PASD1: variants seen among roughly 807,000 people sequenced by gnomAD.
The protein encoded by PASD1 is circadian clock protein PASD1.
A neutral mutation model predicts 58.8 loss-of-function variants in PASD1; 13 were observed. That is an observed-to-expected ratio of 0.22 (90% CI 0.14 to 0.35). The LOEUF (loss-of-function observed/expected upper bound fraction) is 0.35, where lower values mean the gene tolerates loss of function less well. Ranked by LOEUF, PASD1 falls within the 10% of genes least tolerant of loss-of-function variation. The probability of loss-of-function intolerance (pLI) is 1.00; values close to 1 mark genes in which losing one functional copy is unlikely to be tolerated. For missense variants in PASD1, 734 were observed against 568.3 expected (o/e 1.29, Z -2.96); for synonymous variants, 236 against 216.7 (o/e 1.09, Z -0.78).
In PASD1 at chrX:151,625,335, A is replaced by G. The variant is rs762631165; in HGVS notation, c.547-113A>G. The G allele has an allele frequency of 1.3e-5, 6 of 471,023 alleles. No individual in the cohort carries two copies. In the South Asian group the frequency reaches 1.7e-4, roughly 13 times the overall value. The allele number at this position is 471,023 out of a possible 1,213,427, so 38.8% of individuals were successfully genotyped here. A position where few individuals can be genotyped will look rare whatever the true frequency, so the allele number is the denominator to read the frequency against. The stretch of plus-strand genomic sequence containing the variant: ...ACTCCAGTGCATTTCTCACATTGAT[A>G]TGCAGATTATTTGTAACATTGGATA... On this transcript the variant is annotated intron_variant, in intron 7 of 15. Coordinates refer to ENST00000370357, the MANE Select transcript of PASD1 (RefSeq NM_173493.3).
At chrX:151,675,109 C>G (rs56156785) in intron 15 of PASD1, among the ~76,000 whole-genome samples, 10,071 of 111,276 alleles carry the variant, frequency 0.091, 423 homozygotes, top group Middle Eastern at 0.23. Flanking sequence ...GGCACTTTCC[C>G]TCCTAGAGGG....
intron 3 of PASD1, among the ~76,000 whole-genome samples, chrX:151,608,290 A>G (rs2013511809): frequency 8.9e-6 from 1 of 111,927 alleles, no homozygotes; most frequent in Non-Finnish European, 1.9e-5. Context: ...ACAAATGACA[A>G]TGAGCCTCTT....
At chrX:151,654,600 T>C (rs1407326335) in intron 9 of PASD1, among the ~76,000 whole-genome samples, 1 of 111,973 alleles carries the variant, frequency 8.9e-6, no homozygotes, top group African/African-American at 3.2e-5. Context: ...GAAGAAGGAA[T>C]GATGAACAAT....
chrX:151,590,567 C>G (rs907819524), intron 1 of PASD1, among the ~76,000 whole-genome samples: 7 of 111,112 alleles, frequency 6.3e-5, no homozygotes, highest in Non-Finnish European at 1.3e-4. Context: ...TCCACTTTCA[C>G]TTTTTATTTT....
Position 151,672,237 on chromosome X carries a change from GAGCAGCTGCAAC to G in PASD1, c.1496_1507del (p.Gln499_Gln502del). On this transcript the variant is annotated inframe_deletion, in exon 14 of 16. Transcript: ENST00000370357. ...GAAGGAGCAGCAGCGGCAGCTGCGG[GAGCAGCTGCAAC>G]AGCTGAGAGAGCAAAGGAAGGTGCA... The G allele has an allele frequency of 2.6e-6, 3 of 1,163,908 alleles. No individual in the cohort carries two copies. The highest frequency in any genetic ancestry group is 3.4e-6 in the Non-Finnish European group (3 of 871,589).
chrX:151,623,304 C>T (rs896332164), intron 7 of PASD1, among the ~76,000 whole-genome samples: 4 of 111,842 alleles, frequency 3.6e-5, no homozygotes, highest in Non-Finnish European at 7.5e-5. Flanking sequence ...GTAGTCTTGA[C>T]ATAATATAAA....
intron 2 of PASD1, among the ~76,000 whole-genome samples, chrX:151,602,464 G>A (rs963571193): frequency 1.8e-5 from 2 of 111,050 alleles, no homozygotes; most frequent in Non-Finnish European, 3.8e-5. Flanking sequence ...GGAGGCCGAG[G>A]TGGGTGGATC....
chrX:151,592,649 G>A (rs954554452), intron 1 of PASD1, among the ~76,000 whole-genome samples: 9 of 111,716 alleles, frequency 8.1e-5, no homozygotes, highest in Non-Finnish European at 1.5e-4. Flanking sequence ...TTGTTTAGAA[G>A]TATGACATTT....
In PASD1 at chrX:151,672,376, A is replaced by G. The variant is rs2014489245; in HGVS notation, c.1631A>G (p.Gln544Arg). ...AGGCGGCAAAAGAAGAAGAAGCTACAGGAGCGGAAGAAGTGGCAGGGGCAG... is the reference window on the plus strand; with the variant it reads ...AGGCGGCAAAAGAAGAAGAAGCTACGGGAGCGGAAGAAGTGGCAGGGGCAG... ...EQRRQKKKKL[Q>R]ERKKWQGQML... Residue 544 changes from glutamine to arginine, a missense_variant, in exon 14 of 16, where the codon CAG (glutamine) becomes CGG (arginine). Physicochemically the swap from Gln to Arg is conservative, Grantham distance 43. Transcript: ENST00000370357. 3.3e-6 allele frequency: 4 copies of G among 1,205,671 alleles called. No individual in the cohort carries two copies. Among genetic ancestry groups the G allele is most frequent in the Non-Finnish European group, 4.5e-6 (4 of 892,201 alleles).
In PASD1 at chrX:151,672,396, G is replaced by C; in HGVS notation, c.1651G>C (p.Gly551Arg). Residue 551 changes from glycine to arginine, a missense_variant, in exon 14 of 16, where the codon GGG (glycine) becomes CGG (arginine). Physicochemically the swap from Gly to Arg is moderately radical, Grantham distance 125. Coordinates refer to ENST00000370357, the MANE Select transcript of PASD1 (RefSeq NM_173493.3). ...KKLQERKKWQ[G>R]QMLQKEPEEE... Reference sequence around the variant, plus strand: ...GCTACAGGAGCGGAAGAAGTGGCAGGGGCAGATGCTACAGAAAGAGCCAGA... The same window carrying C: ...GCTACAGGAGCGGAAGAAGTGGCAGCGGCAGATGCTACAGAAAGAGCCAGA... The C allele has an allele frequency of 8.3e-7, 1 of 1,209,083 alleles. No individual in the cohort carries two copies. Among genetic ancestry groups the C allele is most frequent in the Non-Finnish European group, 1.1e-6 (1 of 894,168 alleles).
rs1173196179 is a variant in PASD1 at position 151,672,239 on chromosome X, G to GTC, written c.1494_1495insTC (p.Gln499SerfsTer6). ...AGGAGCAGCAGCGGCAGCTGCGGGAGCAGCTGCAACAGCTGAGAGAGCAAA... is the reference window on the plus strand; with the variant it reads ...AGGAGCAGCAGCGGCAGCTGCGGGAGTCCAGCTGCAACAGCTGAGAGAGCAAA... On this transcript the variant is annotated frameshift_variant, in exon 14 of 16. Coordinates refer to ENST00000370357, the MANE Select transcript of PASD1 (RefSeq NM_173493.3). LOFTEE classifies it high-confidence loss of function. 1.7e-6 allele frequency: 2 copies of GTC among 1,163,418 alleles called. No individual in the cohort carries two copies. Among genetic ancestry groups the GTC allele is most frequent in the Non-Finnish European group, 2.3e-6 (2 of 872,101 alleles).
In PASD1 at chrX:151,676,370, G is replaced by GC; in HGVS notation, c.*227_*228insC. 1 of 324,907 alleles carries GC rather than the reference G, an allele frequency of 3.1e-6. No homozygotes were observed. Among genetic ancestry groups the GC allele is most frequent in the South Asian group, 1.3e-4 (1 of 7,527 alleles). 26.8% of individuals were successfully genotyped at this position (324,907 alleles called of 1,213,427 possible). ...AGCCTGTGATCCGTAGTATGCTAGGGTGTGACAGCAGCCAGCCACAGCTGG... is the reference window on the plus strand; with the variant it reads ...AGCCTGTGATCCGTAGTATGCTAGGGCTGTGACAGCAGCCAGCCACAGCTGG... On this transcript the variant is annotated 3_prime_UTR_variant, in exon 16 of 16. Coordinates refer to ENST00000370357, the MANE Select transcript of PASD1 (RefSeq NM_173493.3).
At chrX:151,640,818 A>G (rs981311922) in intron 8 of PASD1, among the ~76,000 whole-genome samples, 7 of 111,975 alleles carry the variant, frequency 6.3e-5, no homozygotes, top group African/African-American at 2.3e-4. Flanking sequence ...GGGGCGGACC[A>G]CAGAACACTA....
At chrX:151,660,273 G>A (rs963273359) in intron 10 of PASD1, among the ~76,000 whole-genome samples, 2 of 111,772 alleles carry the variant, frequency 1.8e-5, no homozygotes, top group Admixed American at 9.5e-5. Flanking sequence ...TTTCGTAACC[G>A]TAATTGTTTG....
intron 4 of PASD1, among the ~76,000 whole-genome samples, chrX:151,614,917 T>G (rs1203799428): frequency 8.9e-6 from 1 of 112,117 alleles, no homozygotes; most frequent in Non-Finnish European, 1.9e-5. Flanking sequence ...CAGTTTACAT[T>G]TCCAAATTCA....
chrX:151,646,976 G>C (rs192278666), intron 8 of PASD1, among the ~76,000 whole-genome samples: 1 of 112,321 alleles, frequency 8.9e-6, no homozygotes, highest in African/African-American at 3.2e-5. Context: ...GAGAAAGAGG[G>C]AAGAGTCTAG....
intron 11 of PASD1, among the ~76,000 whole-genome samples, chrX:151,665,436 G>A (rs1335788487): frequency 5.4e-5 from 6 of 111,933 alleles, no homozygotes; most frequent in African/African-American, 9.8e-5. Context: ...GGCTCTGCAT[G>A]TGCTAGTGTA....
intron 6 of PASD1, among the ~76,000 whole-genome samples, chrX:151,622,023 A>C (rs767261353): frequency 3.6e-5 from 4 of 109,793 alleles, no homozygotes; most frequent in South Asian, 8.1e-4. Context: ...ACACCCAGTC[A>C]AGCACCAGTA....
chrX:151,592,409 C>T (rs1406208296), intron 1 of PASD1, among the ~76,000 whole-genome samples: 4 of 111,517 alleles, frequency 3.6e-5, no homozygotes, highest in African/African-American at 9.8e-5. Context: ...AGTTTCCTTT[C>T]TATATGAAGG....
Sources: gnomAD v4.1 joint callset for allele counts (sites outside exome capture counted in the v4.1 genomes callset) on GRCh38, gnomAD v4.1.1 for gene constraint, MANE v1.5 for transcripts, NCBI Gene and HGNC (gene_info 2026-07-23, HGNC 2026-07-21) for gene names.